The following DGKH variants were observed in gnomAD, a reference collection of about 807,000 sequenced individuals.
DGKH encodes diacylglycerol kinase eta.
Under a neutral mutation model 159.3 loss-of-function variants are expected in DGKH, and 90 were observed. The ratio of observed to expected loss-of-function variants is 0.57; its 90% CI spans 0.48 to 0.67. DGKH has a LOEUF of 0.67. Among genes scored for constraint, DGKH ranks in the 30% least tolerant of loss-of-function variants. The pLI, the probability that DGKH is intolerant of heterozygous loss-of-function variation, is 0.00. For synonymous variants in DGKH, 536 were observed against 553.8 expected, an observed-to-expected ratio of 0.97 and a Z score of 0.45; for missense variants, 1,181 against 1,506.1, an observed-to-expected ratio of 0.78 and a Z score of 3.57.
chr13:42,057,645 A>G (rs1881861409), intron 1 of DGKH, among the ~76,000 whole-genome samples: 1 of 152,208 alleles, frequency 6.6e-6, no homozygotes, highest in Non-Finnish European at 1.5e-5. Flanking sequence ...ATTCAAAGAA[A>G]TATCTATGGT....
intron 1 of DGKH, among the ~76,000 whole-genome samples, chr13:42,083,315 A>G (rs928191140): frequency 1.3e-5 from 2 of 152,088 alleles, no homozygotes; most frequent in African/African-American, 4.8e-5. Context: ...AGGGGTGGTG[A>G]TGCGAGGGTG....
At chr13:42,136,028 C>T (rs1244665902) in intron 3 of DGKH, among the ~76,000 whole-genome samples, 2 of 152,180 alleles carry the variant, frequency 1.3e-5, no homozygotes, top group Non-Finnish European at 2.9e-5. Flanking sequence ...AGTTATGTGA[C>T]CTTGGACAAA....
chr13:42,159,242 C>CTTTTT, intron 5 of DGKH, 24 bp from the exon 6 acceptor site: 3 of 159,038 alleles, frequency 1.9e-5, no homozygotes, highest in South Asian at 6.2e-5. Context: ...AAAGCAGTTG[C>CTTTTT]TCTTTTTTTT....
chr13:42,110,894 A>T (rs973324615), intron 1 of DGKH, among the ~76,000 whole-genome samples: 1 of 152,226 alleles, frequency 6.6e-6, no homozygotes, highest in African/African-American at 2.4e-5. Flanking sequence ...ATACTAATTT[A>T]AAAATACACT....
chr13:42,163,957 T>C (rs1207343828), intron 7 of DGKH, among the ~76,000 whole-genome samples: 2 of 152,200 alleles, frequency 1.3e-5, no homozygotes, highest in Non-Finnish European at 2.9e-5. Context: ...TCCTGAATGG[T>C]AATGCCTAGG....
At chr13:42,102,929 T>C (rs1280544128) in intron 1 of DGKH, among the ~76,000 whole-genome samples, 6 of 152,202 alleles carry the variant, frequency 3.9e-5, no homozygotes, top group Non-Finnish European at 8.8e-5. Flanking sequence ...ATGACTATAC[T>C]GATTTGGTGT....
At chr13:42,200,563 A>G (rs781628812) in intron 20 of DGKH, among the ~76,000 whole-genome samples, 7 of 152,130 alleles carry the variant, frequency 4.6e-5, no homozygotes, top group Non-Finnish European at 1.0e-4. Context: ...TGTCTTTCCT[A>G]TCTTGTATCT....
intron 15 of DGKH, 75 bp from the exon 16 acceptor site, chr13:42,190,327 CT>C: frequency 6.6e-7 from 1 of 1,518,164 alleles, no homozygotes. Flanking sequence ...TTCAATTTGC[CT>C]TTCCTGAGCA....
At chr13:42,112,748 C>T (rs1042006937) in intron 1 of DGKH, among the ~76,000 whole-genome samples, 8 of 152,228 alleles carry the variant, frequency 5.3e-5, no homozygotes, top group Non-Finnish European at 8.8e-5. Flanking sequence ...CTCCTGTAAG[C>T]GGGGACATCA....
chr13:42,134,519 G>T (rs682573), intron 3 of DGKH, among the ~76,000 whole-genome samples: 131,537 of 152,226 alleles, frequency 0.86, 57,211 homozygotes, highest in Middle Eastern at 0.9. Flanking sequence ...TTTATCTCAG[G>T]TTTTATAGGC....
chr13:42,144,725 C>G lies in DGKH; in HGVS notation c.385-10566C>G, dbSNP rs574507073. Reference sequence around the variant, plus strand: ...GAAAGAAAAGAAAGGGGTTCCATGTCCATCACACGTGGTCTTATTGACAAC... The same window carrying G: ...GAAAGAAAAGAAAGGGGTTCCATGTGCATCACACGTGGTCTTATTGACAAC... On this transcript the variant is annotated intron_variant, in intron 3 of 29. Transcript: ENST00000337343. Among the ~76,000 whole-genome samples, 6 of 151,914 alleles carry G rather than the reference C, an allele frequency of 3.9e-5. No homozygotes were observed. The South Asian group carries it at 8.3e-4, about 21-fold the overall frequency.
At chr13:42,068,297 T>C (rs926347476) in intron 1 of DGKH, among the ~76,000 whole-genome samples, 3 of 152,200 alleles carry the variant, frequency 2.0e-5, no homozygotes, top group African/African-American at 7.2e-5. Flanking sequence ...TATTAACACT[T>C]CACTATAAAG....
chr13:42,082,581 G>T (rs1048565749), intron 1 of DGKH, among the ~76,000 whole-genome samples: 1 of 152,172 alleles, frequency 6.6e-6, no homozygotes, highest in Admixed American at 6.5e-5. Flanking sequence ...GGTCATGGAT[G>T]ATTGGATCTC....
Position 42,064,210 on chromosome 13 carries a change from T to C in DGKH, c.192+15245T>C, listed in dbSNP as rs112710320. Among the ~76,000 whole-genome samples, 402 of 152,210 alleles carry C rather than the reference T, an allele frequency of 2.6e-3. 1 individual carries two copies. The highest frequency in any genetic ancestry group is 8.7e-3 in the African/African-American group (363 of 41,516). The stretch of plus-strand genomic sequence containing the variant: ...TTATTTTGATTTTCCCAGTGGAATA[T>C]GAAGTTAGGTCGTCAGCTGAGAATC... On this transcript the variant is annotated intron_variant, in intron 1 of 29. Transcript: ENST00000337343.
At chr13:42,220,337 A>G (rs1566208542) in intron 28 of DGKH, among the ~76,000 whole-genome samples, 1 of 152,164 alleles carries the variant, frequency 6.6e-6, no homozygotes, top group Non-Finnish European at 1.5e-5. Flanking sequence ...ATGCTGTGAT[A>G]CTTGCATTCT....
intron 29 of DGKH, among the ~76,000 whole-genome samples, chr13:42,226,391 T>TC (rs898161473): frequency 2.5e-4 from 38 of 152,258 alleles, no homozygotes; most frequent in African/African-American, 8.9e-4. Flanking sequence ...AGTGTGGCAA[T>TC]CCCTCAAAGA....
At chr13:42,073,051 C>T (rs1883077235) in intron 1 of DGKH, among the ~76,000 whole-genome samples, 1 of 152,208 alleles carries the variant, frequency 6.6e-6, no homozygotes, top group South Asian at 2.1e-4. Flanking sequence ...CTGCCTGTTA[C>T]ATAGTCATTG....
intron 9 of DGKH, 71 bp from the exon 10 acceptor site, chr13:42,168,369 C>A: frequency 7.7e-7 from 1 of 1,303,728 alleles, no homozygotes; most frequent in Non-Finnish European, 1.1e-6. Context: ...AATACTGATA[C>A]AGAATAACAA....
At chr13:42,040,191 G>C (rs1017184257) in intron 1 of DGKH, 7 of 152,336 alleles carry the variant, frequency 4.6e-5, no homozygotes, top group African/African-American at 1.7e-4. Context: ...CCTGCAGCGC[G>C]GGCCGCCAGC....
Sources: allele counts gnomAD v4.1 joint callset (sites outside exome capture counted in the v4.1 genomes callset), GRCh38; gene constraint gnomAD v4.1.1; transcripts MANE v1.5; gene names NCBI Gene and HGNC (gene_info 2026-07-23, HGNC 2026-07-21).